MMP16: variants seen among roughly 807,000 people sequenced by gnomAD.
MMP16 encodes matrix metallopeptidase 16, also known as matrix metalloproteinase-16.
MMP16 carries 12 observed loss-of-function variants against 67.8 expected under a neutral mutation model. That is an observed-to-expected ratio of 0.18 (90% CI 0.11 to 0.29). The LOEUF (loss-of-function observed/expected upper bound fraction) is 0.29, where lower values mean the gene tolerates loss of function less well. Among genes scored for constraint, MMP16 ranks in the 10% least tolerant of loss-of-function variants. The pLI, the probability that MMP16 is intolerant of heterozygous loss-of-function variation, is 1.00. For synonymous variants in MMP16, 249 were observed against 255.9 expected (o/e 0.97, Z 0.26); for missense variants, 475 against 765.7 (o/e 0.62, Z 4.48).
At chr8:88,268,185 A>G (rs1455047266) in intron 1 of MMP16, among the ~76,000 whole-genome samples, 1 of 152,166 alleles carries the variant, frequency 6.6e-6, no homozygotes, top group Non-Finnish European at 1.5e-5. Flanking sequence ...TCTACTAAAA[A>G]TACAAAAGTA....
intron 4 of MMP16, among the ~76,000 whole-genome samples, chr8:88,127,833 A>G (rs756901378): frequency 4.9e-4 from 74 of 152,014 alleles, no homozygotes; most frequent in Middle Eastern, 3.4e-3. Flanking sequence ...GTACCAACAC[A>G]TCTAGATTGT....
chr8:88,297,976 A>G (rs1425089066), intron 1 of MMP16, among the ~76,000 whole-genome samples: 1 of 152,206 alleles, frequency 6.6e-6, no homozygotes, highest in African/African-American at 2.4e-5. Context: ...CAAGCATTAC[A>G]ATTCTACCAC....
chr8:88,319,735 A>G (rs1308193716), intron 1 of MMP16, among the ~76,000 whole-genome samples: 1 of 152,144 alleles, frequency 6.6e-6, no homozygotes, highest in Admixed American at 6.6e-5. Context: ...GAAGTTTATA[A>G]AAGTATCCAG....
chr8:88,066,523 A>G (rs1808465204), intron 7 of MMP16, among the ~76,000 whole-genome samples: 1 of 152,144 alleles, frequency 6.6e-6, no homozygotes, highest in Admixed American at 6.6e-5. Flanking sequence ...CAAATAGAGG[A>G]ATAAATAGGT....
chr8:88,092,261 A>G (rs1808950936), intron 6 of MMP16, among the ~76,000 whole-genome samples: 1 of 151,772 alleles, frequency 6.6e-6, no homozygotes, highest in African/African-American at 2.4e-5. Flanking sequence ...TTCTTTTTAG[A>G]ATCTGATGAA....
Position 88,034,032 on chromosome 8 carries a change from C to A in MMP16, c.*7429G>T, listed in dbSNP as rs924297027. ...GCAATACCCATCATACTCAGCATTT[C>A]ACTTTTCTCAGGGGAATAGCTCTAT... On this transcript the variant is annotated 3_prime_UTR_variant, in exon 10 of 10. Transcript: ENST00000286614. 3.9e-5 allele frequency: 6 copies of A among 151,990 alleles called. No homozygotes were observed. The highest frequency in any genetic ancestry group is 7.4e-5 in the Non-Finnish European group (5 of 67,926). 9.4% of individuals were successfully genotyped at this position (151,990 alleles called of 1,614,324 possible).
intron 6 of MMP16, among the ~76,000 whole-genome samples, chr8:88,105,363 A>G (rs1809219653): frequency 6.6e-6 from 1 of 151,520 alleles, no homozygotes; most frequent in African/African-American, 2.4e-5. Context: ...TTGGAAAACT[A>G]TGCACATTCT....
intron 1 of MMP16, among the ~76,000 whole-genome samples, chr8:88,278,316 G>A (rs1034308814): frequency 2.6e-5 from 4 of 152,098 alleles, no homozygotes; most frequent in Non-Finnish European, 4.4e-5. Context: ...GAGAAATGCT[G>A]CTGTACAGAG....
chr8:88,275,137 C>A (rs2129981143), intron 1 of MMP16, among the ~76,000 whole-genome samples: 1 of 152,038 alleles, frequency 6.6e-6, no homozygotes, highest in Non-Finnish European at 1.5e-5. Flanking sequence ...ATTTAGCCTT[C>A]TACTACCATC....
chr8:88,084,677 A>C lies in MMP16; in HGVS notation c.1084-9934T>G, dbSNP rs368050549. 5.3e-4 allele frequency among the ~76,000 whole-genome samples: 80 copies of C among 152,170 alleles called. 3 individuals carry two copies. In the South Asian group the frequency reaches 0.016, roughly 31 times the overall value. ...AAGAAAATATAAGCAAAACACTAAT[A>C]GTTGTGAAATCTAAATATTAGGTGT... On this transcript the variant is annotated intron_variant, in intron 6 of 9. Coordinates refer to ENST00000286614, the MANE Select transcript of MMP16 (RefSeq NM_005941.5).
chr8:88,326,159 G>A (rs10092027), intron 1 of MMP16, among the ~76,000 whole-genome samples: 2,817 of 152,268 alleles, frequency 0.019, 73 homozygotes, highest in African/African-American at 0.063. Context: ...TACTGGCTTT[G>A]TATCCCACCG....
chr8:88,115,611 G>T (rs928338768), intron 6 of MMP16, among the ~76,000 whole-genome samples: 2 of 151,956 alleles, frequency 1.3e-5, no homozygotes, highest in African/African-American at 4.8e-5. Flanking sequence ...TACATAGACA[G>T]TATGTAAGTA....
chr8:88,093,793 TGTCTG>T (rs1808979863), intron 6 of MMP16, among the ~76,000 whole-genome samples: 1 of 151,736 alleles, frequency 6.6e-6, no homozygotes, highest in Non-Finnish European at 1.5e-5. Flanking sequence ...GTTTCAGGAG[TGTCTG>T]GGTTATGGTT....
In MMP16 at chr8:88,234,030, A is replaced by G. The variant is rs1809903539; in HGVS notation, c.133-36724T>C. 2.0e-5 allele frequency among the ~76,000 whole-genome samples: 3 copies of G among 152,368 alleles called. No homozygotes were observed. The South Asian group carries it at 6.2e-4, about 32-fold the overall frequency. On this transcript the variant is annotated intron_variant, in intron 1 of 9. Coordinates refer to ENST00000286614, the MANE Select transcript of MMP16 (RefSeq NM_005941.5). ...CTATTAAGAATAATATTATGCAATTAAAGATTTTTTCAAAAAAAGAACCTA... is the reference window on the plus strand; with the variant it reads ...CTATTAAGAATAATATTATGCAATTGAAGATTTTTTCAAAAAAAGAACCTA...
chr8:88,152,009 C>A (rs1808418448), intron 4 of MMP16, among the ~76,000 whole-genome samples: 1 of 72,694 alleles, frequency 1.4e-5, no homozygotes, highest in Non-Finnish European at 2.5e-5. Flanking sequence ...CAAATAGACA[C>A]AATAAAAAAT....
At chr8:88,191,958 T>A (rs1313646464) in intron 2 of MMP16, among the ~76,000 whole-genome samples, 1 of 152,184 alleles carries the variant, frequency 6.6e-6, no homozygotes, top group African/African-American at 2.4e-5. Flanking sequence ...AGAAAATGAC[T>A]GCCAAATACA....
At chr8:88,149,538 A>G (rs1450542887) in intron 4 of MMP16, among the ~76,000 whole-genome samples, 1 of 152,192 alleles carries the variant, frequency 6.6e-6, no homozygotes, top group African/African-American at 2.4e-5. Flanking sequence ...TGCCTCCTCA[A>G]GTGGGTCCCT....
At chr8:88,063,580 G>A (rs144444766) in intron 7 of MMP16, among the ~76,000 whole-genome samples, 2 of 151,464 alleles carry the variant, frequency 1.3e-5, no homozygotes, top group African/African-American at 2.4e-5. Flanking sequence ...TTAATGATAG[G>A]AGTGCATTAT....
At chr8:88,216,244 T>A (rs907734305) in intron 1 of MMP16, among the ~76,000 whole-genome samples, 14 of 152,168 alleles carry the variant, frequency 9.2e-5, no homozygotes, top group African/African-American at 3.1e-4. Flanking sequence ...AAACTAAAAG[T>A]TCTTCATGAC....
Sources: gnomAD v4.1 joint callset for allele counts (sites outside exome capture counted in the v4.1 genomes callset) on GRCh38, gnomAD v4.1.1 for gene constraint, MANE v1.5 for transcripts, NCBI Gene and HGNC (gene_info 2026-07-23, HGNC 2026-07-21) for gene names.